The following ZNF619 variants were observed in gnomAD, a reference collection of about 807,000 sequenced individuals.
ZNF619 encodes zinc finger protein 619.
A neutral mutation model predicts 14.2 loss-of-function variants in ZNF619; 9 were observed. The observed-to-expected ratio is 0.64, with a 90% CI of 0.38 to 1.11. ZNF619 has a LOEUF of 1.11. Ranked by LOEUF, ZNF619 falls within the 50% of genes least tolerant of loss-of-function variation. ZNF619 has a pLI of 0.01. For synonymous variants in ZNF619, 246 were observed against 252.8 expected (o/e 0.97, Z 0.26); for missense variants, 659 against 680.1 (o/e 0.97, Z 0.34).
chr3:40,482,154 G>A, intron 3 of ZNF619, 138 bp downstream of exon 3: 1 of 1,547,620 alleles, frequency 6.5e-7, no homozygotes, highest in South Asian at 1.2e-5. Flanking sequence ...CAGTGCCAGG[G>A]GTAGCTGGAT....
Position 40,487,803 on chromosome 3 carries a change from G to A in ZNF619, c.1293G>A (p.Gln431=), listed in dbSNP as rs761269113. ...IHNGEKPYEC[Q]ECGKTFSQKI... ...ATGGGGAGAAACCCTATGAATGCCAGGAATGTGGGAAGACATTCAGTCAAA... is the reference window on the plus strand; with the variant it reads ...ATGGGGAGAAACCCTATGAATGCCAAGAATGTGGGAAGACATTCAGTCAAA... Residue 431 remains glutamine (Q), a synonymous_variant, in exon 5 of 5, where the codon CAG becomes CAA. Transcript: ENST00000432264. The A allele has an allele frequency of 6.2e-7, 1 of 1,614,012 alleles. No homozygotes were observed. The highest frequency in any genetic ancestry group is 8.5e-7 in the Non-Finnish European group (1 of 1,180,046).
chr3:40,478,481 TA>T (rs1475531008), intron 2 of ZNF619, among the ~76,000 whole-genome samples: 1 of 152,158 alleles, frequency 6.6e-6, no homozygotes, highest in Admixed American at 6.5e-5. Flanking sequence ...ACCACTCAGT[TA>T]AGGTACAGTG....
Position 40,487,759 on chromosome 3 carries a change from G to T in ZNF619, c.1249G>T (p.Val417Leu), listed in dbSNP as rs1050273504. The change falls in exon 5 of 5, where the codon GTG (valine) becomes TTG (leucine). Residue 417 changes from valine to leucine, a missense_variant. Coordinates refer to ENST00000432264, the MANE Select transcript of ZNF619 (RefSeq NM_001145093.4). ...KTFSCSSRFI[V>L]HQRIHNGEKP... Reference sequence around the variant, plus strand: ...TTTCAGCTGTAGCTCCCGCTTCATAGTGCATCAGAGAATCCACAATGGGGA... The same window carrying T: ...TTTCAGCTGTAGCTCCCGCTTCATATTGCATCAGAGAATCCACAATGGGGA... 6.2e-7 allele frequency: 1 copy of T among 1,613,198 alleles called. No homozygotes were observed. Among genetic ancestry groups the T allele is most frequent in the Non-Finnish European group, 8.5e-7 (1 of 1,179,790 alleles).
rs116671620 is a variant in ZNF619 at position 40,477,164 on chromosome 3, A to C, written c.-256A>C. 0.029 allele frequency: 4,403 copies of C among 152,326 alleles called. 196 individuals carry two copies. Among genetic ancestry groups the C allele is most frequent in the African/African-American group, 0.09 (3,744 of 41,512 alleles). 9.4% of individuals were successfully genotyped at this position (152,326 alleles called of 1,614,324 possible). ...GCCAGCTAATGCTTCCGTCTTGGCC[A>C]CCTTGCGAGCGCTCGGGTTGAGTTT... On this transcript the variant is annotated 5_prime_UTR_variant, in exon 1 of 5. Coordinates refer to ENST00000432264, the MANE Select transcript of ZNF619 (RefSeq NM_001145093.4).
In ZNF619 at chr3:40,482,571, T is replaced by G; in HGVS notation, c.179-17T>G. On this transcript the variant is annotated splice_polypyrimidine_tract_variant and intron_variant, in intron 3 of 4. Transcript: ENST00000432264. ...TTGATTCTCCTCAGCTTCATGTTCC[T>G]TTTCTTTCTCCTGTAGCAGCATTTC... 6.2e-7 allele frequency: 1 copy of G among 1,612,132 alleles called. No individual in the cohort carries two copies. The highest frequency in any genetic ancestry group is 8.5e-7 in the Non-Finnish European group (1 of 1,178,216).
At position 40,489,053 on chromosome 3, in the gene ZNF619, T is replaced by A. The variant is rs1697731013; in HGVS notation, c.*812T>A. 6.6e-6 allele frequency: 1 copy of A among 152,056 alleles called. No individual in the cohort carries two copies. Among genetic ancestry groups the A allele is most frequent in the Non-Finnish European group, 1.5e-5 (1 of 67,996 alleles). The allele number at this position is 152,056 out of a possible 1,614,324, so 9.4% of individuals were successfully genotyped here. A position where few individuals can be genotyped will look rare whatever the true frequency, so the allele number is the denominator to read the frequency against. ...GGAATTTTTTATTACCTTGATAGTA[T>A]AAAAAATTATGAGGGTCCTTTTATG... On this transcript the variant is annotated 3_prime_UTR_variant, in exon 5 of 5. Transcript: ENST00000432264.
rs578149117 is a variant in ZNF619, at chr3:40,489,258, A to G, written c.*1017A>G. 1.0e-4 allele frequency: 15 copies of G among 148,328 alleles called. No individual in the cohort carries two copies. Among genetic ancestry groups the G allele is most frequent in the African/African-American group, 3.2e-4 (13 of 40,386 alleles). The allele number at this position is 148,328 out of a possible 1,614,324, so 9.2% of individuals were successfully genotyped here. A position where few individuals can be genotyped will look rare whatever the true frequency, so the allele number is the denominator to read the frequency against. ...CAGGCTGGATTGCAGTAGTGCGATC[A>G]TGGATCACTGCAGTGTGTTGACCTT... On this transcript the variant is annotated 3_prime_UTR_variant, in exon 5 of 5. Coordinates refer to ENST00000432264, the MANE Select transcript of ZNF619 (RefSeq NM_001145093.4).
chr3:40,478,041 C>A (rs4128740), intron 2 of ZNF619, 38 bp downstream of exon 2: 469,292 of 1,546,388 alleles, frequency 0.3, 73,837 homozygotes, highest in East Asian at 0.47. Flanking sequence ...ATACTCAGAA[C>A]AGATATGGAA....
rs766849280 is a variant in ZNF619, at chr3:40,487,591, C to T, written c.1081C>T (p.Gln361Ter). Residue 361 changes from glutamine to a stop codon, truncating the protein, a stop_gained, in exon 5 of 5, where the codon CAG becomes TAG. Coordinates refer to ENST00000432264, the MANE Select transcript of ZNF619 (RefSeq NM_001145093.4). LOFTEE classifies it low-confidence loss of function (END_TRUNC). The part of the protein sequence containing the change: ...KSLSSNSVLI[Q>*]HQRIHTGEKP... Reference sequence around the variant, plus strand: ...TTTGAGTTCTAATTCAGTTCTGATTCAGCATCAGAGAATCCACACTGGGGA... The same window carrying T: ...TTTGAGTTCTAATTCAGTTCTGATTTAGCATCAGAGAATCCACACTGGGGA... 8.7e-6 allele frequency: 14 copies of T among 1,614,050 alleles called. No individual in the cohort carries two copies. Among genetic ancestry groups the T allele is most frequent in the Non-Finnish European group, 1.0e-5 (12 of 1,180,050 alleles).
In ZNF619 at chr3:40,488,233, T is replaced by C. The variant is rs768244495; in HGVS notation, c.1723T>C (p.Ser575Pro). 1.3e-6 allele frequency: 2 copies of C among 1,528,826 alleles called. No individual in the cohort carries two copies. Among genetic ancestry groups the C allele is most frequent in the Non-Finnish European group, 1.8e-6 (2 of 1,112,502 alleles). The allele number at this position is 1,528,826 out of a possible 1,614,324, so 94.7% of individuals were successfully genotyped here. A position where few individuals can be genotyped will look rare whatever the true frequency, so the allele number is the denominator to read the frequency against. ...TCAGAGCCCGAATCCTTTGTCTCAC[T>C]CCCTGTAAGCCCCGTCACGTTCTCA... ...SLQSPNPLSHSL is the reference protein window; with the variant it reads ...SLQSPNPLSHPL Residue 575 changes from serine (S) to proline (P), a missense_variant, in exon 5 of 5, where the codon TCC (serine) becomes CCC (proline). Coordinates refer to ENST00000432264, the MANE Select transcript of ZNF619 (RefSeq NM_001145093.4).
In ZNF619 at chr3:40,488,013, C is replaced by T. The variant is rs1339403487; in HGVS notation, c.1503C>T (p.Leu501=). The T allele has an allele frequency of 8.1e-6, 13 of 1,614,060 alleles. No homozygotes were observed. Among genetic ancestry groups the T allele is most frequent in the Non-Finnish European group, 1.1e-5 (13 of 1,179,996 alleles). Residue 501 remains leucine, a synonymous_variant, in exon 5 of 5, where the codon CTC becomes CTT. Coordinates refer to ENST00000432264, the MANE Select transcript of ZNF619 (RefSeq NM_001145093.4). ...AVKPYCPCAI[L]SPLPPQHTCS... ...AGCCCTACTGTCCCTGCGCCATCCT[C>T]TCTCCTCTGCCTCCCCAACATACCT...
Position 40,477,985 on chromosome 3 carries a change from CCAGA to C in ZNF619, c.10_13del (p.Thr4CysfsTer16). 6.4e-7 allele frequency: 1 copy of C among 1,554,518 alleles called. No homozygotes were observed. On this transcript the variant is annotated frameshift_variant, in exon 2 of 5. Transcript: ENST00000432264. LOFTEE classifies it high-confidence loss of function. ...GAAGCCAGGGGTCATCAGCCATGCT[CCAGA>C]CAGTGTGGTTCCAGGTGAGCAGAGC...
At chr3:40,485,269 C>T (rs1199160833) in intron 4 of ZNF619, among the ~76,000 whole-genome samples, 2 of 150,900 alleles carry the variant, frequency 1.3e-5, no homozygotes, top group South Asian at 2.1e-4. Flanking sequence ...TAGATAAAGA[C>T]TAAAGTAGTA....
intron 1 of ZNF619, 60 bp from the exon 2 acceptor site, chr3:40,477,858 G>A: frequency 5.7e-6 from 5 of 876,764 alleles, no homozygotes; most frequent in Middle Eastern, 3.2e-4. Flanking sequence ...GGAGACAGAG[G>A]GGAAGAGGCG....
In ZNF619 at chr3:40,489,561, C is replaced by T. The variant is rs1260143377; in HGVS notation, c.*1320C>T. 6.6e-6 allele frequency: 1 copy of T among 151,864 alleles called. No individual in the cohort carries two copies. Among genetic ancestry groups the T allele is most frequent in the Non-Finnish European group, 1.5e-5 (1 of 67,962 alleles). 9.4% of individuals were successfully genotyped at this position (151,864 alleles called of 1,614,324 possible). The stretch of plus-strand genomic sequence containing the variant: ...ACCATGTCCAGCCTCTATTCCTTTT[C>T]ATATCTGTTGAATTTCAGTACCCAC... On this transcript the variant is annotated 3_prime_UTR_variant, in exon 5 of 5. Coordinates refer to ENST00000432264, the MANE Select transcript of ZNF619 (RefSeq NM_001145093.4).
At position 40,487,070 on chromosome 3, in the gene ZNF619, T is replaced by A; in HGVS notation, c.560T>A (p.Val187Asp). The A allele has an allele frequency of 1.2e-6, 2 of 1,614,120 alleles. No homozygotes were observed. The highest frequency in any genetic ancestry group is 1.7e-6 in the Non-Finnish European group (2 of 1,180,042). The change falls in exon 5 of 5, where the codon GTC becomes GAC. Residue 187 changes from valine to aspartate, a missense_variant. Transcript: ENST00000432264. ...GCCAGGAAATTGGAAGAAAGTAGTG[T>A]CAGCACACATCTCATTACAAAGCAG... ...EIARKLEESS[V>D]STHLITKQGF...
rs149140337 is a variant in ZNF619 at position 40,488,214 on chromosome 3, C to T, written c.1704C>T (p.Ser568=). 2,466 of 1,592,722 alleles carry T rather than the reference C, an allele frequency of 1.5e-3. 10 individuals carry two copies. The highest frequency in any genetic ancestry group is 1.2e-3 in the Non-Finnish European group (1,421 of 1,164,938). The change falls in exon 5 of 5, where the codon AGC becomes AGT. Residue 568 remains serine (S), a synonymous_variant. Transcript: ENST00000432264. Reference sequence around the variant, plus strand: ...TTCCTGGGAAGTCATCCCTTCAGAGCCCGAATCCTTTGTCTCACTCCCTGT... The same window carrying T: ...TTCCTGGGAAGTCATCCCTTCAGAGTCCGAATCCTTTGTCTCACTCCCTGT... ...LAFPGKSSLQ[S]PNPLSHSL is the part of the protein sequence containing the mutation.
chr3:40,483,581 A>G, intron 4 of ZNF619: 1 of 438,100 alleles, frequency 2.3e-6, no homozygotes, highest in Admixed American at 2.4e-5. Flanking sequence ...GTGAGGCACC[A>G]TGCCTGGCCA....
intron 2 of ZNF619, among the ~76,000 whole-genome samples, chr3:40,480,485 A>G (rs1233862097): frequency 6.7e-6 from 1 of 149,658 alleles, no homozygotes; most frequent in Non-Finnish European, 1.5e-5. Context: ...CTTTACAATG[A>G]TGACTGCATA....
Sources: gnomAD v4.1 joint callset for allele counts (sites outside exome capture counted in the v4.1 genomes callset) on GRCh38, gnomAD v4.1.1 for gene constraint, MANE v1.5 for transcripts, NCBI Gene and HGNC (gene_info 2026-07-23, HGNC 2026-07-21) for gene names.